Variants in ST6GALNAC5 observed in about 807,000 individuals in gnomAD.
ST6GALNAC5 encodes the protein alpha-N-acetylgalactosaminide alpha-2,6-sialyltransferase 5.
A neutral mutation model predicts 33.6 loss-of-function variants in ST6GALNAC5; 27 were observed. The ratio of observed to expected loss-of-function variants is 0.80; its 90% confidence interval spans 0.59 to 1.11. ST6GALNAC5 has a LOEUF of 1.11. Ranked by LOEUF, ST6GALNAC5 falls within the 50% of genes least tolerant of loss-of-function variation. The pLI is 0.00. For synonymous variants in ST6GALNAC5, 194 were observed against 171.2 expected, an observed-to-expected ratio of 1.13 and a Z score of -1.04; for missense variants, 428 against 454.0, an observed-to-expected ratio of 0.94 and a Z score of 0.52.
chr1:76,946,683 C>CGGTTG (rs1647528998), intron 2 of ST6GALNAC5, among the ~76,000 whole-genome samples: 1 of 152,054 alleles, frequency 6.6e-6, no homozygotes, highest in South Asian at 2.1e-4. Flanking sequence ...TTAAGAGTTG[C>CGGTTG]GGTTGTTTAG....
intron 2 of ST6GALNAC5, among the ~76,000 whole-genome samples, chr1:77,012,072 T>C (rs1650655266): frequency 6.6e-6 from 1 of 152,220 alleles, no homozygotes; most frequent in African/African-American, 2.4e-5. Context: ...TTCTTAGGTC[T>C]GAGACTTTTA....
chr1:76,999,050 T>A (rs1650043380), intron 2 of ST6GALNAC5, among the ~76,000 whole-genome samples: 1 of 152,162 alleles, frequency 6.6e-6, no homozygotes, highest in African/African-American at 2.4e-5. Context: ...ATTCAATTTA[T>A]TCTTGTTCCA....
At chr1:77,034,986 C>A (rs1405482526) in intron 2 of ST6GALNAC5, among the ~76,000 whole-genome samples, 1 of 152,170 alleles carries the variant, frequency 6.6e-6, no homozygotes, top group Non-Finnish European at 1.5e-5. Flanking sequence ...TGAGGTTCCA[C>A]TTCTTCTGTA....
At chr1:77,025,748 G>A (rs193001715) in intron 2 of ST6GALNAC5, among the ~76,000 whole-genome samples, 10 of 152,216 alleles carry the variant, frequency 6.6e-5, no homozygotes, top group East Asian at 5.8e-4. Flanking sequence ...CTCGTCCACT[G>A]TGCCGGGTCA....
At chr1:77,040,881 T>C (rs1651809477) in intron 2 of ST6GALNAC5, among the ~76,000 whole-genome samples, 1 of 152,046 alleles carries the variant, frequency 6.6e-6, no homozygotes, top group Non-Finnish European at 1.5e-5. Context: ...ACCTCAGGGG[T>C]GTATTAAGTC....
At chr1:76,894,739 G>A (rs560696684) in intron 2 of ST6GALNAC5, among the ~76,000 whole-genome samples, 2 of 152,218 alleles carry the variant, frequency 1.3e-5, no homozygotes, top group African/African-American at 2.4e-5. Context: ...AAAGTGGATA[G>A]GAGGAGGGTA....
intron 2 of ST6GALNAC5, among the ~76,000 whole-genome samples, chr1:77,039,864 G>A (rs1002122411): frequency 3.9e-5 from 6 of 152,150 alleles, no homozygotes; most frequent in East Asian, 1.9e-4. Context: ...TTGTGTCTTC[G>A]GCAGTACATC....
rs140716803 is a variant in ST6GALNAC5 at position 77,028,027 on chromosome 1, G to A, written c.262-16177G>A. Among the ~76,000 whole-genome samples the A allele has an allele frequency of 8.5e-4, 129 of 152,274 alleles. 1 individual carries two copies. The highest frequency in any genetic ancestry group is 1.4e-3 in the Non-Finnish European group (98 of 68,010). ...AAAATGAGCTGGGCCAGGGCAGTGG[G>A]GACTGCAGTCTGTCAAGGCTCTGTA... On this transcript the variant is annotated intron_variant, in intron 2 of 4. Coordinates refer to ENST00000477717, the MANE Select transcript of ST6GALNAC5 (RefSeq NM_030965.3).
At chr1:76,925,141 C>T (rs1474982765) in intron 2 of ST6GALNAC5, among the ~76,000 whole-genome samples, 1 of 151,876 alleles carries the variant, frequency 6.6e-6, no homozygotes, top group Admixed American at 6.6e-5. Flanking sequence ...TTTAAACAAC[C>T]AGATCAGTCT....
chr1:76,885,141 T>C (rs1653864704), intron 2 of ST6GALNAC5, among the ~76,000 whole-genome samples: 1 of 152,196 alleles, frequency 6.6e-6, no homozygotes, highest in Non-Finnish European at 1.5e-5. Flanking sequence ...AACTCAGCAC[T>C]ATTTTATGCA....
chr1:77,047,055 C>T (rs896145744), intron 3 of ST6GALNAC5, among the ~76,000 whole-genome samples: 2 of 152,146 alleles, frequency 1.3e-5, no homozygotes, highest in Admixed American at 1.3e-4. Flanking sequence ...CTGGCTGGTA[C>T]GGAGGGAGCC....
At chr1:76,903,282 A>G (rs1217033821) in intron 2 of ST6GALNAC5, among the ~76,000 whole-genome samples, 5 of 152,208 alleles carry the variant, frequency 3.3e-5, no homozygotes, top group Non-Finnish European at 2.9e-5. Flanking sequence ...GCACACGGAA[A>G]GATTCTCAAC....
At chr1:76,981,725 C>T (rs749562340) in intron 2 of ST6GALNAC5, among the ~76,000 whole-genome samples, 3 of 152,188 alleles carry the variant, frequency 2.0e-5, no homozygotes, top group East Asian at 1.9e-4. Context: ...CTGGGAGACA[C>T]CTCCCAGTAG....
At chr1:76,893,367 C>G (rs1230831721) in intron 2 of ST6GALNAC5, among the ~76,000 whole-genome samples, 2 of 152,080 alleles carry the variant, frequency 1.3e-5, no homozygotes, top group East Asian at 1.9e-4. Flanking sequence ...GCATAGGAAC[C>G]AGAAGTGGAA....
chr1:77,004,908 G>C (rs1276808310), intron 2 of ST6GALNAC5, among the ~76,000 whole-genome samples: 1 of 142,858 alleles, frequency 7.0e-6, no homozygotes, highest in Admixed American at 7.0e-5. Context: ...TGTCAGACAG[G>C]GACATTTAAG....
intron 2 of ST6GALNAC5, among the ~76,000 whole-genome samples, chr1:76,971,892 A>T (rs892743764): frequency 6.6e-6 from 1 of 152,242 alleles, no homozygotes; most frequent in Non-Finnish European, 1.5e-5. Flanking sequence ...AGTGTAAAAC[A>T]TCATACAATG....
chr1:76,920,597 A>G (rs1278864478), intron 2 of ST6GALNAC5, among the ~76,000 whole-genome samples: 1 of 152,184 alleles, frequency 6.6e-6, no homozygotes, highest in Non-Finnish European at 1.5e-5. Context: ...TGCTTCATAG[A>G]AGTTCCCACT....
At chr1:77,051,396 C>A (rs931510356) in intron 4 of ST6GALNAC5, among the ~76,000 whole-genome samples, 1 of 152,110 alleles carries the variant, frequency 6.6e-6, no homozygotes, top group African/African-American at 2.4e-5. Context: ...ATAGAGCAGA[C>A]CTTTGATGTA....
chr1:76,979,213 T>C (rs1190486482), intron 2 of ST6GALNAC5, among the ~76,000 whole-genome samples: 1 of 152,120 alleles, frequency 6.6e-6, no homozygotes, highest in Non-Finnish European at 1.5e-5. Context: ...TAGCTGCAGA[T>C]TCAATGCAAT....
Sources: allele counts gnomAD v4.1 joint callset (sites outside exome capture counted in the v4.1 genomes callset), GRCh38; gene constraint gnomAD v4.1.1; transcripts MANE v1.5; gene names NCBI Gene and HGNC (gene_info 2026-07-23, HGNC 2026-07-21).